Variants in ABCD2 observed in about 807,000 individuals in gnomAD.
ABCD2 encodes the protein ATP binding cassette subfamily D member 2, also known as ATP-binding cassette sub-family D member 2.
Under a neutral mutation model 70.9 loss-of-function variants are expected in ABCD2, and 36 were observed. The ratio of observed to expected loss-of-function variants is 0.51; its 90% CI spans 0.39 to 0.67. The LOEUF (loss-of-function observed/expected upper bound fraction) is 0.67, where lower values mean the gene tolerates loss of function less well. Ranked by LOEUF, ABCD2 falls within the 30% of genes least tolerant of loss-of-function variation. The pLI, the probability that ABCD2 is intolerant of heterozygous loss-of-function variation, is 0.00. For synonymous variants in ABCD2, 304 were observed against 306.9 expected (o/e 0.99, Z 0.10); for missense variants, 729 against 890.2 (o/e 0.82, Z 2.30).
chr12:39,579,280 T>G (rs1941563471), intron 8 of ABCD2, among the ~76,000 whole-genome samples: 1 of 152,230 alleles, frequency 6.6e-6, no homozygotes, highest in Non-Finnish European at 1.5e-5. Flanking sequence ...GAGAATTGCT[T>G]GGGCCTGGGA....
the ABCD2 span, chr12:39,539,446 A>T: frequency 6.6e-6 from 1 of 152,538 alleles, no homozygotes. Flanking sequence ...AAACTACAGG[A>T]TTCCTTAGCC....
At chr12:39,546,162 TTA>T (rs1359799873), downstream of ABCD2, among the ~76,000 whole-genome samples, 30 of 152,250 alleles carry the variant, frequency 2.0e-4, no homozygotes, top group African/African-American at 7.2e-4. Context: ...AAACTGCACA[TTA>T]TAATTTTACC....
At chr12:39,580,270 G>A (rs1001655787) in intron 7 of ABCD2, among the ~76,000 whole-genome samples, 2 of 152,110 alleles carry the variant, frequency 1.3e-5, no homozygotes, top group Non-Finnish European at 2.9e-5. Context: ...ATCTTGAGAT[G>A]TCAGAACTGG....
At position 39,600,805 on chromosome 12, in the gene ABCD2, T is replaced by C. The variant is rs770788585; in HGVS notation, c.1501-89A>G. 1.5e-4 allele frequency: 188 copies of C among 1,233,082 alleles called. 1 individual carries two copies. Among genetic ancestry groups the C allele is most frequent in the Middle Eastern group, 7.4e-4 (3 of 4,078 alleles). 76.4% of individuals were successfully genotyped at this position (1,233,082 alleles called of 1,614,324 possible). On this transcript the variant is annotated intron_variant, in intron 5 of 9. Transcript: ENST00000308666. ...AAAGTAAATTATTTTTTTAAAATGT[T>C]CGAAAACATGATAACCTAGGTTGGG... is the stretch of plus-strand genomic sequence containing the variant.
In ABCD2 at chr12:39,619,226, T is replaced by G; in HGVS notation, c.390A>C (p.Lys130Asn). Residue 130 changes from lysine (K) to asparagine (N), a missense_variant, in exon 1 of 10, where the codon AAA becomes AAC. Physicochemically the swap from Lys to Asn is moderately conservative, Grantham distance 94. Around this residue, in one of 3 missense-constraint regions of ABCD2, gnomAD observed 245 missense variants for 261.2 expected, o/e 0.94. Transcript: ENST00000308666. ...LSIYVAGLDGKIVKSIVEKKP... is the reference protein window; with the variant it reads ...LSIYVAGLDGNIVKSIVEKKP... ...TCTTTTCCACAATGCTTTTCACGAT[T>G]TTTCCATCCAGACCAGCCACATAGA... The G allele has an allele frequency of 6.2e-7, 1 of 1,614,130 alleles. No homozygotes were observed.
In ABCD2 at chr12:39,604,340, T is replaced by C. The variant is rs535697185; in HGVS notation, c.1406-334A>G. ...TCTATTTCCCTAAATTAACATATCC[T>C]ATAGAAAAAAAACCACAGTGCTGCA... On this transcript the variant is annotated intron_variant, in intron 4 of 9. Transcript: ENST00000308666. Among the ~76,000 whole-genome samples, 9 of 151,898 alleles carry C rather than the reference T, an allele frequency of 5.9e-5. No homozygotes were observed. The East Asian group carries it at 1.5e-3, about 26-fold the overall frequency.
chr12:39,557,195 C>G (rs2120530374), intron 9 of ABCD2, among the ~76,000 whole-genome samples: 1 of 152,250 alleles, frequency 6.6e-6, no homozygotes, highest in African/African-American at 2.4e-5. Flanking sequence ...AGATGAGAAT[C>G]TTCTTGGGAA....
At chr12:39,604,498 A>G (rs1224267184) in intron 4 of ABCD2, among the ~76,000 whole-genome samples, 1 of 152,098 alleles carries the variant, frequency 6.6e-6, no homozygotes, top group African/African-American at 2.4e-5. Context: ...TTAAAAGCAA[A>G]CGATTCATTA....
intron 9 of ABCD2, among the ~76,000 whole-genome samples, chr12:39,563,869 A>C (rs966459211): frequency 3.9e-5 from 6 of 152,114 alleles, no homozygotes. Flanking sequence ...GAGTGAGAAC[A>C]TGTGGTGTTT....
At chr12:39,534,998 C>A in the ABCD2 span, among the ~76,000 whole-genome samples, 1 of 151,872 alleles carries the variant, frequency 6.6e-6, no homozygotes, top group Non-Finnish European at 1.5e-5. Context: ...ACCTGGCTTG[C>A]GCTGTCTGAC....
chr12:39,591,777 C>A (rs1941749736), intron 6 of ABCD2, among the ~76,000 whole-genome samples: 2 of 151,902 alleles, frequency 1.3e-5, no homozygotes, highest in Admixed American at 1.3e-4. Flanking sequence ...GTTAAAAATG[C>A]AAATTTCTGT....
intron 8 of ABCD2, among the ~76,000 whole-genome samples, chr12:39,575,719 T>A (rs962995622): frequency 1.3e-5 from 2 of 152,222 alleles, no homozygotes; most frequent in African/African-American, 4.8e-5. Flanking sequence ...AAACTTTCTC[T>A]TCACTAGATT....
intron 9 of ABCD2, among the ~76,000 whole-genome samples, chr12:39,560,902 G>A (rs1344604454): frequency 6.6e-6 from 1 of 151,964 alleles, no homozygotes; most frequent in East Asian, 1.9e-4. Flanking sequence ...ATCTGTAGTA[G>A]ACGCACTAAA....
intron 2 of ABCD2, among the ~76,000 whole-genome samples, chr12:39,609,898 T>C (rs2120758676): frequency 6.6e-6 from 1 of 152,298 alleles, no homozygotes; most frequent in South Asian, 2.1e-4. Flanking sequence ...GGAAAAAATA[T>C]GATTTTCAGA....
At position 39,562,383 on chromosome 12, in the gene ABCD2, A is replaced by C. The variant is rs184275249; in HGVS notation, c.2004-8252T>G. ...AATAGAGCCTGGAAAAACAACATAAAATATCAGCAAAAATGAATAATTGAT... is the reference window on the plus strand; with the variant it reads ...AATAGAGCCTGGAAAAACAACATAACATATCAGCAAAAATGAATAATTGAT... On this transcript the variant is annotated intron_variant, in intron 9 of 9. Transcript: ENST00000308666. Among the ~76,000 whole-genome samples, 310 of 152,160 alleles carry C rather than the reference A, an allele frequency of 2.0e-3. 3 individuals are homozygous for C. The highest frequency in any genetic ancestry group is 6.7e-3 in the African/African-American group (279 of 41,564).
chr12:39,555,718 G>T (rs1322087158), intron 9 of ABCD2, among the ~76,000 whole-genome samples: 1 of 152,116 alleles, frequency 6.6e-6, no homozygotes, highest in Admixed American at 6.5e-5. Context: ...GCTGGTACCT[G>T]CAGACTGAGC....
rs548640043 is a variant in ABCD2, at chr12:39,586,038, G to A, written c.1792+114C>T. On this transcript the variant is annotated intron_variant, in intron 7 of 9. Coordinates refer to ENST00000308666, the MANE Select transcript of ABCD2 (RefSeq NM_005164.4). ...AATAAAACTCCATCTTTACACTTAT[G>A]TGCTTATTTCCGATTATAGCATACA... 5 of 931,522 alleles carry A rather than the reference G, an allele frequency of 5.4e-6. No individual in the cohort carries two copies. In the South Asian group the frequency reaches 6.5e-5, roughly 12 times the overall value. The allele number at this position is 931,522 out of a possible 1,614,324, so 57.7% of individuals were successfully genotyped here.
At chr12:39,614,298 T>C (rs1942085861) in intron 2 of ABCD2, among the ~76,000 whole-genome samples, 1 of 152,178 alleles carries the variant, frequency 6.6e-6, no homozygotes, top group Admixed American at 6.5e-5. Context: ...CCAAGGACTG[T>C]TTCAAAACAC....
At chr12:39,547,237 A>T (rs375552050), downstream of ABCD2, among the ~76,000 whole-genome samples, 249 of 152,212 alleles carry the variant, frequency 1.6e-3, 2 homozygotes, top group African/African-American at 5.8e-3. Flanking sequence ...GTGCACTGTT[A>T]GTAGGACTGT....
Sources: allele counts gnomAD v4.1 joint callset (sites outside exome capture counted in the v4.1 genomes callset), GRCh38; gene constraint gnomAD v4.1.1; regional missense constraint gnomAD v4.1.1; transcripts MANE v1.5; gene names NCBI Gene and HGNC (gene_info 2026-07-23, HGNC 2026-07-21).